Variants in JAM3 observed in about 807,000 individuals in gnomAD.
JAM3 encodes junctional adhesion molecule C.
Under a neutral mutation model 39.4 loss-of-function variants are expected in JAM3, and 31 were observed. That is an observed-to-expected ratio of 0.79 (90% CI 0.59 to 1.06). JAM3 has a LOEUF of 1.06. Among genes scored for constraint, JAM3 ranks in the 50% least tolerant of loss-of-function variants. The pLI, the probability that JAM3 is intolerant of heterozygous loss-of-function variation, is 0.00. For missense variants in JAM3, 455 were observed against 391.4 expected, an observed-to-expected ratio of 1.16 and a Z score of -1.37; for synonymous variants, 182 against 148.7, an observed-to-expected ratio of 1.22 and a Z score of -1.63.
chr11:134,099,646 G>A (rs567983223), intron 1 of JAM3, among the ~76,000 whole-genome samples: 65 of 152,166 alleles, frequency 4.3e-4, no homozygotes, highest in East Asian at 7.7e-4. Context: ...TCTGTCACCC[G>A]CCCAGGCTGG....
chr11:134,140,917 A>G, intron 3 of JAM3, 147 bp downstream of exon 3: 1 of 1,086,380 alleles, frequency 9.2e-7, no homozygotes, highest in Non-Finnish European at 1.3e-6. Flanking sequence ...ATAATTATGG[A>G]AAATTTCAAA....
rs527497837 is a variant in JAM3, at chr11:134,106,460, C to T, written c.77-33391C>T. 1.1e-4 allele frequency among the ~76,000 whole-genome samples: 16 copies of T among 152,252 alleles called. No individual in the cohort carries two copies. The South Asian group carries it at 3.1e-3, about 30-fold the overall frequency. ...GGGCAAGGACTTCATGTCTAAAACA[C>T]CAAAAGCAATGGCAACAAAAGCCAA... On this transcript the variant is annotated intron_variant, in intron 1 of 8. Transcript: ENST00000299106.
intron 1 of JAM3, among the ~76,000 whole-genome samples, chr11:134,122,746 T>C (rs985560349): frequency 2.6e-5 from 4 of 152,256 alleles, no homozygotes; most frequent in Admixed American, 6.5e-5. Context: ...GTCGAAAATA[T>C]GTGAATTCGC....
intron 1 of JAM3, among the ~76,000 whole-genome samples, chr11:134,093,878 A>G (rs376101299): frequency 1.0e-3 from 67 of 64,550 alleles, no homozygotes; most frequent in Middle Eastern, 9.1e-3. Context: ...CTTCTCCTGA[A>G]CCCTCCTTAT....
intron 1 of JAM3, among the ~76,000 whole-genome samples, chr11:134,086,319 GCTT>G (rs1354742117): frequency 6.6e-6 from 1 of 151,996 alleles, no homozygotes; most frequent in Non-Finnish European, 1.5e-5. Flanking sequence ...TCCCTTTATG[GCTT>G]AGTTAGATGA....
rs751892763 is a variant in JAM3, at chr11:134,145,978, G to A, written c.645G>A (p.Gly215=). The change falls in exon 6 of 9, where the codon GGG becomes GGA. Residue 215 remains glycine (G), a synonymous_variant. Transcript: ENST00000299106. ...CTGCTGTTCACAAGGACGACTCTGGGCAGTACTACTGCATTGCTTCCAATG... is the reference window on the plus strand; with the variant it reads ...CTGCTGTTCACAAGGACGACTCTGGACAGTACTACTGCATTGCTTCCAATG... ...VFTAVHKDDS[G]QYYCIASNDA... 61 of 1,613,990 alleles carry A rather than the reference G, an allele frequency of 3.8e-5. No homozygotes were observed. The highest frequency in any genetic ancestry group is 5.2e-5 in the Non-Finnish European group (61 of 1,179,828).
At chr11:134,114,023 C>A (rs1306052587) in intron 1 of JAM3, among the ~76,000 whole-genome samples, 1 of 152,014 alleles carries the variant, frequency 6.6e-6, no homozygotes. Context: ...ATCCTTTGCC[C>A]ACTTGTTGAT....
At chr11:134,079,777 A>C (rs572289560) in intron 1 of JAM3, among the ~76,000 whole-genome samples, 1 of 152,240 alleles carries the variant, frequency 6.6e-6, no homozygotes, top group Admixed American at 6.5e-5. Flanking sequence ...TTGTAGGCAT[A>C]TAATTTGTAA....
At chr11:134,135,636 C>A (rs1381114269) in intron 1 of JAM3, among the ~76,000 whole-genome samples, 2 of 151,718 alleles carry the variant, frequency 1.3e-5, no homozygotes, top group Non-Finnish European at 2.9e-5. Context: ...CTCCTGGGTT[C>A]AAGTGATTCT....
intron 1 of JAM3, among the ~76,000 whole-genome samples, chr11:134,088,428 G>A (rs1043398048): frequency 1.3e-5 from 2 of 151,256 alleles, no homozygotes; most frequent in African/African-American, 4.9e-5. Flanking sequence ...TTAAATTTTA[G>A]GTTTGGCTTC....
intron 1 of JAM3, among the ~76,000 whole-genome samples, chr11:134,089,840 G>C (rs1941812687): frequency 6.6e-6 from 1 of 152,044 alleles, no homozygotes; most frequent in Non-Finnish European, 1.5e-5. Context: ...GGGATGGCTG[G>C]GTCAAATGGT....
rs375046594 is a variant in JAM3 at position 134,077,795 on chromosome 11, C to T, written c.76+8636C>T. Among the ~76,000 whole-genome samples, 522 of 147,508 alleles carry T rather than the reference C, an allele frequency of 3.5e-3. 3 individuals carry two copies. Among genetic ancestry groups the T allele is most frequent in the African/African-American group, 0.011 (458 of 39,986 alleles). ...CTGAGTAGCTGGGATTACAGGTGCC[C>T]GCCACCATGCCACGCCTGGCTAATT... On this transcript the variant is annotated intron_variant, in intron 1 of 8. Transcript: ENST00000299106.
intron 1 of JAM3, chr11:134,123,810 A>T (rs368662522): frequency 1.3e-6 from 1 of 753,776 alleles, no homozygotes; most frequent in African/African-American, 1.7e-5. Context: ...GTGAGCCTTC[A>T]TTTACATTTC....
chr11:134,104,776 A>G (rs1331435626), intron 1 of JAM3, among the ~76,000 whole-genome samples: 1 of 152,032 alleles, frequency 6.6e-6, no homozygotes, highest in East Asian at 1.9e-4. Flanking sequence ...AAATTCCTGG[A>G]CACATACACC....
chr11:134,151,702 C>T lies in JAM3; in HGVS notation c.*2521C>T, dbSNP rs116827540. ...ATGCTACAGACTTGTACTAACACAC[C>T]GTAATTTGGCATTTGTTTAACCTCA... is the stretch of plus-strand genomic sequence containing the variant. On this transcript the variant is annotated 3_prime_UTR_variant, in exon 9 of 9. Transcript: ENST00000299106. The T allele has an allele frequency of 6.6e-6, 1 of 152,148 alleles. No homozygotes were observed. The highest frequency in any genetic ancestry group is 1.5e-5 in the Non-Finnish European group (1 of 68,038). 9.4% of individuals were successfully genotyped at this position (152,148 alleles called of 1,614,324 possible). A position where few individuals can be genotyped will look rare whatever the true frequency, so the allele number is the denominator to read the frequency against.
chr11:134,078,370 T>C (rs1333503769), intron 1 of JAM3, among the ~76,000 whole-genome samples: 1 of 152,172 alleles, frequency 6.6e-6, no homozygotes, highest in Non-Finnish European at 1.5e-5. Flanking sequence ...TCCACCTGCC[T>C]TGATCTCCCA....
chr11:134,124,336 A>G lies in JAM3; in HGVS notation c.77-15515A>G, dbSNP rs1252883559. 4.0e-6 allele frequency: 3 copies of G among 756,168 alleles called. No individual in the cohort carries two copies. The African/African-American group carries it at 5.2e-5, about 13-fold the overall frequency. The allele number at this position is 756,168 out of a possible 1,614,324, so 46.8% of individuals were successfully genotyped here. A position where few individuals can be genotyped will look rare whatever the true frequency, so the allele number is the denominator to read the frequency against. ...GGGGCTGGACGGTTCATTATGGCAA[A>G]TGAAAAATGTGAGTGTGCGTGTGAG... On this transcript the variant is annotated intron_variant, in intron 1 of 8. Transcript: ENST00000299106.
At chr11:134,071,303 C>T (rs1565479515) in intron 1 of JAM3, among the ~76,000 whole-genome samples, 1 of 152,164 alleles carries the variant, frequency 6.6e-6, no homozygotes, top group African/African-American at 2.4e-5. Flanking sequence ...GAGATTCAGA[C>T]CCTTGTCGGG....
At chr11:134,086,715 C>T (rs769514833) in intron 1 of JAM3, among the ~76,000 whole-genome samples, 3 of 152,004 alleles carry the variant, frequency 2.0e-5, no homozygotes, top group Non-Finnish European at 4.4e-5. Context: ...AAGAAAATGC[C>T]ACGTAAATAG....
Sources: allele counts gnomAD v4.1 joint callset (sites outside exome capture counted in the v4.1 genomes callset), GRCh38; gene constraint gnomAD v4.1.1; transcripts MANE v1.5; gene names NCBI Gene and HGNC (gene_info 2026-07-23, HGNC 2026-07-21).